Variants in CTNND2 observed in about 807,000 individuals in gnomAD.
The protein encoded by CTNND2 is catenin delta-2.
A neutral mutation model predicts 144.4 loss-of-function variants in CTNND2; 22 were observed. The ratio of observed to expected loss-of-function variants is 0.15; its 90% CI spans 0.11 to 0.22. The LOEUF is 0.22. Among genes scored for constraint, CTNND2 ranks in the 10% least tolerant of loss-of-function variants. The pLI, the probability that CTNND2 is intolerant of heterozygous loss-of-function variation, is 1.00. For missense variants in CTNND2, 1,353 were observed against 1,618.8 expected, an observed-to-expected ratio of 0.84 and a Z score of 2.82; for synonymous variants, 751 against 695.6, an observed-to-expected ratio of 1.08 and a Z score of -1.25.
intron 2 of CTNND2, among the ~76,000 whole-genome samples, chr5:11,672,755 C>T (rs1204094925): frequency 2.0e-5 from 3 of 152,120 alleles, no homozygotes; most frequent in African/African-American, 7.2e-5. Flanking sequence ...AGGGAGTCTC[C>T]TGGTCTGCAG....
chr5:11,545,151 A>G (rs1434947941), intron 3 of CTNND2, among the ~76,000 whole-genome samples: 2 of 148,450 alleles, frequency 1.3e-5, no homozygotes, highest in Admixed American at 1.3e-4. Context: ...AAAAAAAAAA[A>G]GAAAGCAAAA....
At chr5:11,715,456 T>G (rs1049693541) in intron 2 of CTNND2, among the ~76,000 whole-genome samples, 2 of 152,224 alleles carry the variant, frequency 1.3e-5, no homozygotes, top group African/African-American at 4.8e-5. Context: ...TCTCCAGCAG[T>G]TGACTTAACT....
intron 12 of CTNND2, among the ~76,000 whole-genome samples, chr5:11,128,693 T>C (rs1397128041): frequency 2.4e-5 from 3 of 122,662 alleles, no homozygotes; most frequent in Non-Finnish European, 4.9e-5. Context: ...ATCAAACAAC[T>C]GGATTGCTTT....
At chr5:11,199,301 G>C in intron 11 of CTNND2, 147 bp downstream of exon 11, 2 of 642,698 alleles carry the variant, frequency 3.1e-6, no homozygotes, top group Non-Finnish European at 5.3e-6. Flanking sequence ...ATTTTCTTCA[G>C]TTGTTTACTC....
intron 10 of CTNND2, among the ~76,000 whole-genome samples, chr5:11,228,142 G>A (rs1056354759): frequency 6.6e-6 from 1 of 151,914 alleles, no homozygotes; most frequent in East Asian, 2.0e-4. Context: ...AGGGGTTCAT[G>A]ACCAGCCTGG....
intron 11 of CTNND2, among the ~76,000 whole-genome samples, chr5:11,190,869 C>T (rs1736169313): frequency 6.6e-6 from 1 of 152,164 alleles, no homozygotes; most frequent in Non-Finnish European, 1.5e-5. Context: ...GCCTCTAGTG[C>T]AATGCTTTCA....
At chr5:11,130,559 G>A (rs1482280759) in intron 12 of CTNND2, among the ~76,000 whole-genome samples, 1 of 152,144 alleles carries the variant, frequency 6.6e-6, no homozygotes, top group Admixed American at 6.5e-5. Context: ...TTCCCATTGG[G>A]CTAAATTACA....
chr5:11,498,656 C>T (rs927732661), intron 3 of CTNND2, among the ~76,000 whole-genome samples: 1 of 152,210 alleles, frequency 6.6e-6, no homozygotes, highest in Non-Finnish European at 1.5e-5. Flanking sequence ...TTCCATACAG[C>T]CAATAAAATG....
intron 1 of CTNND2, among the ~76,000 whole-genome samples, chr5:11,871,763 G>C (rs1735143996): frequency 6.6e-6 from 1 of 152,094 alleles, no homozygotes; most frequent in Non-Finnish European, 1.5e-5. Context: ...TGTGAGACTT[G>C]AGATTGGACA....
At chr5:11,177,199 G>A (rs1302471362) in intron 11 of CTNND2, among the ~76,000 whole-genome samples, 1 of 152,180 alleles carries the variant, frequency 6.6e-6, no homozygotes, top group African/African-American at 2.4e-5. Flanking sequence ...GTTCTCAGCA[G>A]GGACTATATA....
chr5:11,540,799 T>C (rs1774660791), intron 3 of CTNND2, among the ~76,000 whole-genome samples: 1 of 152,184 alleles, frequency 6.6e-6, no homozygotes, highest in Non-Finnish European at 1.5e-5. Context: ...CATAGTTTTT[T>C]CCTACTGGTT....
intron 2 of CTNND2, among the ~76,000 whole-genome samples, chr5:11,685,312 C>T (rs1262926628): frequency 6.6e-6 from 1 of 152,142 alleles, no homozygotes; most frequent in Admixed American, 6.5e-5. Context: ...TGTCCAATGT[C>T]TTTAAAAATG....
intron 3 of CTNND2, among the ~76,000 whole-genome samples, chr5:11,535,805 A>C (rs919335251): frequency 3.3e-5 from 5 of 152,212 alleles, no homozygotes; most frequent in African/African-American, 4.8e-5. Flanking sequence ...AACCTACATT[A>C]CTAAGTTTAA....
At chr5:11,527,027 G>C (rs1166053969) in intron 3 of CTNND2, among the ~76,000 whole-genome samples, 1 of 152,146 alleles carries the variant, frequency 6.6e-6, no homozygotes, top group Non-Finnish European at 1.5e-5. Flanking sequence ...AATGTACCTA[G>C]AGTAGGCAAA....
chr5:11,565,202 G>A, intron 2 of CTNND2, 146 bp from the exon 3 acceptor site: 2 of 648,046 alleles, frequency 3.1e-6, no homozygotes, highest in Middle Eastern at 2.8e-4. Context: ...AGGATTCGAA[G>A]GTTAGACAGG....
intron 1 of CTNND2, among the ~76,000 whole-genome samples, chr5:11,828,993 A>G (rs549127486): frequency 2.0e-5 from 3 of 152,246 alleles, no homozygotes; most frequent in Admixed American, 2.0e-4. Flanking sequence ...CAAAGGTGAC[A>G]CTTGTTATGT....
At chr5:11,252,851 A>C (rs774402783) in intron 9 of CTNND2, among the ~76,000 whole-genome samples, 4 of 152,228 alleles carry the variant, frequency 2.6e-5, no homozygotes, top group Non-Finnish European at 4.4e-5. Flanking sequence ...GGATAAAGTA[A>C]AATTCATCTA....
At chr5:11,616,372 G>A (rs1780580748) in intron 2 of CTNND2, among the ~76,000 whole-genome samples, 1 of 152,094 alleles carries the variant, frequency 6.6e-6, no homozygotes, top group Admixed American at 6.6e-5. Context: ...CCACTCTACA[G>A]AAATGCCTTG....
At position 11,168,382 on chromosome 5, in the gene CTNND2, G is replaced by A. The variant is rs1759562474; in HGVS notation, c.1976-8623C>T. 3.9e-5 allele frequency among the ~76,000 whole-genome samples: 6 copies of A among 152,236 alleles called. No homozygotes were observed. In the South Asian group the frequency reaches 1.2e-3, roughly 32 times the overall value. On this transcript the variant is annotated intron_variant, in intron 11 of 21. Coordinates refer to ENST00000304623, the MANE Select transcript of CTNND2 (RefSeq NM_001332.4). ...AAGTAATTATAATTGAAAATAATTT[G>A]TATGTCAGTGTTTGGTAGTGGCCAT...
Sources: gnomAD v4.1 joint callset for allele counts (sites outside exome capture counted in the v4.1 genomes callset) on GRCh38, gnomAD v4.1.1 for gene constraint, MANE v1.5 for transcripts, NCBI Gene and HGNC (gene_info 2026-07-23, HGNC 2026-07-21) for gene names.